Variants in PLXDC2 observed in about 807,000 individuals in gnomAD.
PLXDC2 encodes plexin domain-containing protein 2.
A neutral mutation model predicts 68.9 loss-of-function variants in PLXDC2; 40 were observed. The ratio of observed to expected loss-of-function variants is 0.58; its 90% CI spans 0.45 to 0.76. The LOEUF (loss-of-function observed/expected upper bound fraction) is 0.76. Among genes scored for constraint, PLXDC2 ranks in the 30% least tolerant of loss-of-function variants. The pLI, the probability that PLXDC2 is intolerant of heterozygous loss-of-function variation, is 0.00. For missense variants in PLXDC2, 644 were observed against 661.9 expected, an observed-to-expected ratio of 0.97 and a Z score of 0.30; for synonymous variants, 243 against 234.2, an observed-to-expected ratio of 1.04 and a Z score of -0.34.
chr10:19,817,094 G>A lies in PLXDC2; in HGVS notation c.15G>A (p.Pro5=), dbSNP rs1375278536. ...GCGGCGGCGGCATGGCGAGGTTCCC[G>A]AAGGCCGACCTGGCCGCTGCAGGAG... MARF[P]KADLAAAGVM... The change falls in exon 1 of 14, where the codon CCG becomes CCA. Residue 5 remains proline, a synonymous_variant. Transcript: ENST00000377252. 1.3e-6 allele frequency: 2 copies of A among 1,556,074 alleles called. No individual in the cohort carries two copies. The highest frequency in any genetic ancestry group is 2.4e-5 in the East Asian group (1 of 41,156).
intron 4 of PLXDC2, among the ~76,000 whole-genome samples, chr10:20,110,244 T>C (rs978805657): frequency 3.3e-5 from 5 of 151,788 alleles, no homozygotes; most frequent in African/African-American, 4.8e-5. Context: ...CAGGAAGGAA[T>C]TGGAGAAAAA....
At chr10:19,847,017 G>A (rs1174860909) in intron 1 of PLXDC2, among the ~76,000 whole-genome samples, 2 of 152,078 alleles carry the variant, frequency 1.3e-5, no homozygotes, top group Admixed American at 6.5e-5. Context: ...TTCACTGTCA[G>A]AGAACAGCAT....
At chr10:20,116,852 G>A (rs2460584) in intron 4 of PLXDC2, among the ~76,000 whole-genome samples, 90,628 of 151,924 alleles carry the variant, frequency 0.6, 29,199 homozygotes, top group Non-Finnish European at 0.73. Flanking sequence ...TTTGCTTATT[G>A]CCTAATTGCA....
At chr10:20,018,298 T>C (rs962123057) in intron 2 of PLXDC2, among the ~76,000 whole-genome samples, 3 of 148,934 alleles carry the variant, frequency 2.0e-5, no homozygotes, top group African/African-American at 7.4e-5. Context: ...GTTTTCCCCA[T>C]ACTATGTTGA....
chr10:20,207,223 AATG>A (rs1564353380), intron 9 of PLXDC2, among the ~76,000 whole-genome samples: 1 of 152,196 alleles, frequency 6.6e-6, no homozygotes, highest in Non-Finnish European at 1.5e-5. Context: ...GTCTTAAATA[AATG>A]ATGAATTACT....
chr10:19,888,326 A>G (rs1248868855), intron 1 of PLXDC2, among the ~76,000 whole-genome samples: 1 of 152,158 alleles, frequency 6.6e-6, no homozygotes, highest in African/African-American at 2.4e-5. Flanking sequence ...ATTTGGCATA[A>G]ATTCCAGATT....
At chr10:20,268,902 G>A (rs1226557125) in intron 13 of PLXDC2, among the ~76,000 whole-genome samples, 1 of 152,132 alleles carries the variant, frequency 6.6e-6, no homozygotes, top group Non-Finnish European at 1.5e-5. Flanking sequence ...TTGCCTAATA[G>A]CAAATTATTA....
rs1240990025 is a variant in PLXDC2 at position 20,175,245 on chromosome 10, C to G, written c.884-1754C>G. On this transcript the variant is annotated intron_variant, in intron 7 of 13. Transcript: ENST00000377252. ...TATTATCTCATTTTAATCCTCAAAG[C>G]AATGCAGTAATATAGGTGCTATTAT... is the stretch of plus-strand genomic sequence containing the variant. Among the ~76,000 whole-genome samples, 4 of 152,084 alleles carry G rather than the reference C, an allele frequency of 2.6e-5. No individual in the cohort carries two copies. In the South Asian group the frequency reaches 8.3e-4, roughly 32 times the overall value.
chr10:20,001,121 C>G (rs1834929003), intron 1 of PLXDC2, among the ~76,000 whole-genome samples: 1 of 152,152 alleles, frequency 6.6e-6, no homozygotes, highest in African/African-American at 2.4e-5. Flanking sequence ...ATCCTTTAGA[C>G]CCTGACGAGA....
At chr10:20,197,851 T>C (rs1589676497) in intron 9 of PLXDC2, among the ~76,000 whole-genome samples, 1 of 152,144 alleles carries the variant, frequency 6.6e-6, no homozygotes, top group East Asian at 1.9e-4. Flanking sequence ...AGCCAAATTG[T>C]TGAAACATGC....
chr10:20,142,804 A>G (rs1564331084), intron 4 of PLXDC2, among the ~76,000 whole-genome samples: 2 of 149,860 alleles, frequency 1.3e-5, no homozygotes, highest in Non-Finnish European at 3.0e-5. Context: ...ACTTTCAAGA[A>G]AAAAAAAAAG....
At chr10:19,863,213 G>A (rs929114163) in intron 1 of PLXDC2, among the ~76,000 whole-genome samples, 5 of 152,174 alleles carry the variant, frequency 3.3e-5, no homozygotes, top group African/African-American at 9.6e-5. Flanking sequence ...TTTTCCCTCC[G>A]GGTTTTGTTT....
intron 11 of PLXDC2, 130 bp from the exon 12 acceptor site, chr10:20,218,934 A>G: frequency 1.0e-6 from 1 of 978,902 alleles, no homozygotes. Flanking sequence ...ACTAGAAATT[A>G]CCACAATAAA....
chr10:20,263,312 A>T (rs141976735), intron 13 of PLXDC2, among the ~76,000 whole-genome samples: 1 of 152,316 alleles, frequency 6.6e-6, no homozygotes, highest in Non-Finnish European at 1.5e-5. Flanking sequence ...CATATCCACC[A>T]GATTGAAGCT....
At chr10:20,273,141 G>C (rs778484118) in intron 13 of PLXDC2, among the ~76,000 whole-genome samples, 1 of 152,236 alleles carries the variant, frequency 6.6e-6, no homozygotes, top group Non-Finnish European at 1.5e-5. Context: ...GCCATTGCAA[G>C]TACAAATCAT....
intron 1 of PLXDC2, among the ~76,000 whole-genome samples, chr10:19,941,101 C>T (rs1833811256): frequency 6.6e-6 from 1 of 152,158 alleles, no homozygotes; most frequent in Admixed American, 6.5e-5. Flanking sequence ...ATTTCCCATG[C>T]CTCTGTTTCA....
In PLXDC2 at chr10:20,287,506, T is replaced by A. The variant is rs1836172069; in HGVS notation, c.*7687T>A. The A allele has an allele frequency of 6.6e-6, 1 of 152,032 alleles. No individual in the cohort carries two copies. The highest frequency in any genetic ancestry group is 1.5e-5 in the Non-Finnish European group (1 of 68,020). The allele number at this position is 152,032 out of a possible 1,614,324, so 9.4% of individuals were successfully genotyped here. ...TTGTGGTGAAGCCTCAGCCACCATGTTCAAGGTGGTTTGAATGAAAACATA... is the reference window on the plus strand; with the variant it reads ...TTGTGGTGAAGCCTCAGCCACCATGATCAAGGTGGTTTGAATGAAAACATA... On this transcript the variant is annotated 3_prime_UTR_variant, in exon 14 of 14. Transcript: ENST00000377252.
At chr10:20,233,370 T>TAAAA (rs3051536) in intron 12 of PLXDC2, among the ~76,000 whole-genome samples, 40 of 150,914 alleles carry the variant, frequency 2.7e-4, no homozygotes, top group Admixed American at 1.3e-4. Context: ...TACAAAAATT[T>TAAAA]AAAAAAAGTA....
At chr10:20,131,547 A>G (rs1833868184) in intron 4 of PLXDC2, among the ~76,000 whole-genome samples, 1 of 151,990 alleles carries the variant, frequency 6.6e-6, no homozygotes, top group Admixed American at 6.6e-5. Flanking sequence ...TTATGGGCAC[A>G]TGCCACCATG....
Sources: gnomAD v4.1 joint callset for allele counts (sites outside exome capture counted in the v4.1 genomes callset) on GRCh38, gnomAD v4.1.1 for gene constraint, MANE v1.5 for transcripts, NCBI Gene and HGNC (gene_info 2026-07-23, HGNC 2026-07-21) for gene names.